Variants in FAM13A observed in about 807,000 individuals in gnomAD.
FAM13A encodes family with sequence similarity 13 member A, also known as protein FAM13A.
In FAM13A, 76 loss-of-function variants were observed where a neutral mutation model predicts 129.6. The ratio of observed to expected loss-of-function variants is 0.59; its 90% CI spans 0.49 to 0.71. The LOEUF is 0.71. Ranked by LOEUF, FAM13A falls within the 30% of genes least tolerant of loss-of-function variation. The pLI, the probability that FAM13A is intolerant of heterozygous loss-of-function variation, is 0.00. For missense variants in FAM13A, 1,108 were observed against 1,249.3 expected (o/e 0.89, Z 1.70); for synonymous variants, 443 against 449.9 (o/e 0.98, Z 0.20).
At chr4:88,950,373 G>A (rs763215193) in intron 4 of FAM13A, among the ~76,000 whole-genome samples, 1 of 151,744 alleles carries the variant, frequency 6.6e-6, no homozygotes, top group South Asian at 2.1e-4. Flanking sequence ...GCTAAAAATT[G>A]GATCAAATTT....
chr4:88,742,367 T>C (rs575394864), intron 19 of FAM13A, among the ~76,000 whole-genome samples: 4 of 152,328 alleles, frequency 2.6e-5, no homozygotes, highest in East Asian at 1.9e-4. Flanking sequence ...TGTTTTCAAT[T>C]AGTGACCCCC....
intron 2 of FAM13A, among the ~76,000 whole-genome samples, chr4:89,023,349 A>G (rs190083399): frequency 6.6e-6 from 1 of 152,080 alleles, no homozygotes; most frequent in Admixed American, 6.5e-5. Context: ...TCCTGTTCCT[A>G]TATTTACCCA....
chr4:89,006,749 A>AC (rs1186680021), intron 3 of FAM13A, among the ~76,000 whole-genome samples: 1 of 152,114 alleles, frequency 6.6e-6, no homozygotes, highest in Non-Finnish European at 1.5e-5. Context: ...GTGAATGCGG[A>AC]TTTTTTATTA....
At chr4:89,005,803 G>A (rs970413016) in intron 3 of FAM13A, among the ~76,000 whole-genome samples, 1 of 152,132 alleles carries the variant, frequency 6.6e-6, no homozygotes, top group African/African-American at 2.4e-5. Context: ...TATAGAGGCT[G>A]GATATTAAAC....
chr4:88,934,607 C>A (rs1038785079), intron 5 of FAM13A, among the ~76,000 whole-genome samples: 1 of 152,144 alleles, frequency 6.6e-6, no homozygotes, highest in Admixed American at 6.6e-5. Flanking sequence ...CTGTTAGATG[C>A]CTACTGGAAA....
chr4:88,814,525 G>A (rs1270213240), intron 7 of FAM13A, among the ~76,000 whole-genome samples: 1 of 152,166 alleles, frequency 6.6e-6, no homozygotes, highest in Non-Finnish European at 1.5e-5. Context: ...GGAGAAACAG[G>A]CAGGCTTTTG....
chr4:88,907,149 A>G, intron 5 of FAM13A, among the ~76,000 whole-genome samples: 1 of 152,224 alleles, frequency 6.6e-6, no homozygotes. Flanking sequence ...TGTTTCAATA[A>G]TGCAGAGCCT....
intron 3 of FAM13A, among the ~76,000 whole-genome samples, chr4:89,015,943 C>A (rs1766424544): frequency 1.3e-5 from 2 of 151,896 alleles, no homozygotes; most frequent in African/African-American, 4.8e-5. Flanking sequence ...TTAATTATAA[C>A]ACAGACTCAT....
chr4:88,801,440 T>C (rs1279232030), intron 8 of FAM13A, among the ~76,000 whole-genome samples: 3 of 152,236 alleles, frequency 2.0e-5, no homozygotes, highest in African/African-American at 7.2e-5. Context: ...GCTAAATTAA[T>C]AATTTAGCCT....
chr4:88,880,205 G>A (rs1234365600), intron 6 of FAM13A, among the ~76,000 whole-genome samples: 1 of 152,146 alleles, frequency 6.6e-6, no homozygotes, highest in Non-Finnish European at 1.5e-5. Context: ...CAGACCCTTT[G>A]AAGGAAGTGG....
intron 6 of FAM13A, among the ~76,000 whole-genome samples, chr4:88,895,943 T>A (rs1051629982): frequency 1.3e-5 from 2 of 148,418 alleles, no homozygotes; most frequent in Admixed American, 6.8e-5. Flanking sequence ...GGACTATAAA[T>A]CATGCTGCTA....
intron 2 of FAM13A, among the ~76,000 whole-genome samples, chr4:89,026,195 C>G (rs1056105272): frequency 6.6e-6 from 1 of 152,168 alleles, no homozygotes; most frequent in Admixed American, 6.5e-5. Context: ...GTGGGATACA[C>G]AGCCTCACTC....
chr4:88,787,900 T>C lies in FAM13A; in HGVS notation c.1124A>G (p.Glu375Gly). 1 of 1,613,372 alleles carries C rather than the reference T, an allele frequency of 6.2e-7. No homozygotes were observed. The highest frequency in any genetic ancestry group is 1.1e-5 in the South Asian group (1 of 91,028). ...GTTATTAACATCAAAAAGATGTTGT[T>C]CTACAGCTGATCGGATGGTTCTTTC... is the stretch of plus-strand genomic sequence containing the variant. ...LLERTIRSAVEQHLFDVNNSG... is the reference protein window; with the variant it reads ...LLERTIRSAVGQHLFDVNNSG... The change falls in exon 10 of 24, where the codon GAA (glutamate) becomes GGA (glycine). Residue 375 changes from glutamate (E) to glycine (G), a missense_variant. Coordinates refer to ENST00000264344, the MANE Select transcript of FAM13A (RefSeq NM_014883.4).
rs151213340 is a variant in FAM13A, at chr4:88,935,502, G to A, written c.759+2586C>T. On this transcript the variant is annotated intron_variant, in intron 5 of 23. Transcript: ENST00000264344. ...CTTGGGTCTTTATCATTTACTTTGC[G>A]CCCATTTCCTATCTTTATATTCATC... is the stretch of plus-strand genomic sequence containing the variant. Among the ~76,000 whole-genome samples the A allele has an allele frequency of 1.3e-3, 194 of 151,892 alleles. 2 individuals carry two copies. The highest frequency in any genetic ancestry group is 4.4e-3 in the African/African-American group (184 of 41,410).
intron 7 of FAM13A, among the ~76,000 whole-genome samples, chr4:88,849,377 C>T (rs1350754336): frequency 1.3e-5 from 2 of 152,154 alleles, no homozygotes; most frequent in Non-Finnish European, 2.9e-5. Flanking sequence ...TCTATCACCT[C>T]CCCTACCCAG....
At chr4:89,020,802 A>T in intron 2 of FAM13A, 133 bp from the exon 3 acceptor site, 2 of 650,468 alleles carry the variant, frequency 3.1e-6, no homozygotes, top group Non-Finnish European at 5.3e-6. Context: ...TCATTGTGTA[A>T]TTTTCACATT....
rs184810650 is a variant in FAM13A, at chr4:88,743,774, A to G, written c.2466+3158T>C. 1.4e-3 allele frequency among the ~76,000 whole-genome samples: 219 copies of G among 152,320 alleles called. 1 individual carries two copies. The highest frequency in any genetic ancestry group is 1.6e-3 in the Non-Finnish European group (109 of 68,012). On this transcript the variant is annotated intron_variant, in intron 19 of 23. Transcript: ENST00000264344. ...TGCCTTCCAAGCTGAGAGTTTGCCT[A>G]TATTGAATTTACAAAAATCTGTGCT...
chr4:88,893,779 A>G (rs1745814636), intron 6 of FAM13A, among the ~76,000 whole-genome samples: 1 of 150,096 alleles, frequency 6.7e-6, no homozygotes, highest in Non-Finnish European at 1.5e-5. Context: ...GTGAGCCGAG[A>G]TCGCGCCACT....
chr4:88,944,719 T>C (rs979772285), intron 4 of FAM13A, among the ~76,000 whole-genome samples: 1 of 152,030 alleles, frequency 6.6e-6, no homozygotes, highest in African/African-American at 2.4e-5. Context: ...CTGGCCAACA[T>C]GGTGAAACCC....
Sources: allele counts gnomAD v4.1 joint callset (sites outside exome capture counted in the v4.1 genomes callset), GRCh38; gene constraint gnomAD v4.1.1; transcripts MANE v1.5; gene names NCBI Gene and HGNC (gene_info 2026-07-23, HGNC 2026-07-21).